Variants in AFF2 observed in about 807,000 individuals in gnomAD.
The protein encoded by AFF2 is ALF transcription elongation factor 2.
A neutral mutation model predicts 76.9 loss-of-function variants in AFF2; 14 were observed. That is an observed-to-expected ratio of 0.18 (90% CI 0.12 to 0.28). The LOEUF (loss-of-function observed/expected upper bound fraction) is 0.28. AFF2 is among the 10% of genes least tolerant of loss of function. The pLI, the probability that AFF2 is intolerant of heterozygous loss-of-function variation, is 1.00. For missense variants in AFF2, 868 were observed against 1,001.1 expected, an observed-to-expected ratio of 0.87 and a Z score of 1.79; for synonymous variants, 398 against 366.7, an observed-to-expected ratio of 1.09 and a Z score of -0.98.
chrX:148,517,596 T>C (rs1245304968), intron 1 of AFF2, among the ~76,000 whole-genome samples: 1 of 112,213 alleles, frequency 8.9e-6, no homozygotes, highest in East Asian at 2.8e-4. Flanking sequence ...ACATTGTTGA[T>C]TACTGCAACC....
intron 3 of AFF2, among the ~76,000 whole-genome samples, chrX:148,785,216 A>G (rs1367861943): frequency 9.0e-6 from 1 of 111,663 alleles, no homozygotes; most frequent in Non-Finnish European, 1.9e-5. Flanking sequence ...TTGCCTGATG[A>G]GATTAGCTTT....
intron 3 of AFF2, among the ~76,000 whole-genome samples, chrX:148,728,095 C>G (rs914431783): frequency 8.9e-6 from 1 of 112,231 alleles, no homozygotes; most frequent in Non-Finnish European, 1.9e-5. Context: ...ACATAACTAG[C>G]TGAGCTTGGG....
At chrX:148,964,481 A>G in intron 13 of AFF2, among the ~76,000 whole-genome samples, 2 of 112,268 alleles carry the variant, frequency 1.8e-5, no homozygotes, top group Middle Eastern at 4.6e-3. Context: ...AAATCCTGTC[A>G]TATTATGCAA....
intron 3 of AFF2, among the ~76,000 whole-genome samples, chrX:148,700,321 A>G (rs1406430592): frequency 9.0e-6 from 1 of 110,656 alleles, no homozygotes; most frequent in Non-Finnish European, 1.9e-5. Context: ...CTCTCGTTCT[A>G]CTTAGCTTAA....
chrX:148,615,494 T>C (rs894445332), intron 1 of AFF2, among the ~76,000 whole-genome samples: 4 of 111,836 alleles, frequency 3.6e-5, no homozygotes, highest in Non-Finnish European at 7.5e-5. Flanking sequence ...TAGTTTCTGA[T>C]TTTCCCATCT....
At chrX:148,738,962 T>G (rs1340574096) in intron 3 of AFF2, among the ~76,000 whole-genome samples, 1 of 112,228 alleles carries the variant, frequency 8.9e-6, no homozygotes, top group African/African-American at 3.2e-5. Context: ...TCCAGTTTTA[T>G]TCCACCATGG....
At chrX:148,953,405 CA>C (rs2071992645) in intron 9 of AFF2, among the ~76,000 whole-genome samples, 174 bp from the exon 10 acceptor site, 1 of 111,668 alleles carries the variant, frequency 9.0e-6, no homozygotes, top group Non-Finnish European at 1.9e-5. Flanking sequence ...TCAAAGCTTT[CA>C]ACTTGGGCCA....
chrX:148,860,555 T>A (rs2070835972), intron 7 of AFF2, among the ~76,000 whole-genome samples: 1 of 111,586 alleles, frequency 9.0e-6, no homozygotes, highest in Admixed American at 9.5e-5. Flanking sequence ...GCAGCGTCAT[T>A]TGAGATCTGT....
chrX:148,734,564 G>A (rs1037235439), intron 3 of AFF2, among the ~76,000 whole-genome samples: 25 of 111,550 alleles, frequency 2.2e-4, no homozygotes, highest in African/African-American at 8.2e-4. Context: ...AGGAAATGAC[G>A]TATATGATAT....
intron 5 of AFF2, among the ~76,000 whole-genome samples, chrX:148,838,489 A>G (rs1425501467): frequency 8.9e-6 from 1 of 111,974 alleles, no homozygotes; most frequent in Non-Finnish European, 1.9e-5. Context: ...TCAGAGTCGT[A>G]TCTAACACTC....
At position 148,999,599 on chromosome X, in the gene AFF2, T is replaced by TGC. The variant is rs1266926966; in HGVS notation, c.*8268_*8269insCG. The TGC allele has an allele frequency of 2.0e-5, 2 of 101,666 alleles. No individual in the cohort carries two copies. Among genetic ancestry groups the TGC allele is most frequent in the African/African-American group, 9.2e-5 (2 of 21,664 alleles). 8.4% of individuals were successfully genotyped at this position (101,666 alleles called of 1,213,427 possible). A position where few individuals can be genotyped will look rare whatever the true frequency, so the allele number is the denominator to read the frequency against. ...TCGTCAGTGTGTGTGTGTGTGTGTG[T>TGC]GTGCGCGCACACACGTGCGTGTGTG... On this transcript the variant is annotated 3_prime_UTR_variant, in exon 21 of 21. Transcript: ENST00000370460.
intron 9 of AFF2, among the ~76,000 whole-genome samples, chrX:148,942,956 A>C (rs1173715262): frequency 8.9e-6 from 1 of 112,080 alleles, no homozygotes; most frequent in Non-Finnish European, 1.9e-5. Context: ...GGCCTGAAGA[A>C]GTTTCCAGTG....
chrX:148,718,042 A>G (rs782020309), intron 3 of AFF2, among the ~76,000 whole-genome samples: 1 of 108,842 alleles, frequency 9.2e-6, no homozygotes, highest in Non-Finnish European at 1.9e-5. Context: ...TTTTTAACAT[A>G]GAATGCATCT....
intron 4 of AFF2, among the ~76,000 whole-genome samples, chrX:148,836,688 G>A (rs1424580669): frequency 1.8e-5 from 2 of 110,788 alleles, no homozygotes; most frequent in Non-Finnish European, 3.8e-5. Flanking sequence ...TCTGTTGCTG[G>A]GATTTTGAGC....
At chrX:148,549,737 A>T (rs782662644) in intron 1 of AFF2, among the ~76,000 whole-genome samples, 3 of 111,495 alleles carry the variant, frequency 2.7e-5, no homozygotes, top group Non-Finnish European at 5.7e-5. Context: ...GTTTTGTGGG[A>T]TTTGTGGTGA....
In AFF2 at chrX:148,564,514, G is replaced by A. The variant is rs782676065; in HGVS notation, c.47+63370G>A. 4.7e-5 allele frequency among the ~76,000 whole-genome samples: 5 copies of A among 106,781 alleles called. No individual in the cohort carries two copies. In the South Asian group the frequency reaches 2.1e-3, roughly 45 times the overall value. The allele number at this position is 106,781 out of a possible 115,157, so 92.7% of individuals were successfully genotyped here. ...ACGTTACTCTGCATGCCATTTTGGAGGCGTTTTGACATGGCCGAAACCTGC... is the reference window on the plus strand; with the variant it reads ...ACGTTACTCTGCATGCCATTTTGGAAGCGTTTTGACATGGCCGAAACCTGC... On this transcript the variant is annotated intron_variant, in intron 1 of 20. Transcript: ENST00000370460.
intron 3 of AFF2, among the ~76,000 whole-genome samples, chrX:148,762,453 A>T (rs1236388894): frequency 1.1e-5 from 1 of 93,510 alleles, no homozygotes; most frequent in Admixed American, 1.2e-4. Context: ...TTAGTGATAT[A>T]TATATATTAT....
chrX:148,880,452 C>A lies in AFF2; in HGVS notation c.1263-5437C>A, dbSNP rs782724727. Reference sequence around the variant, plus strand: ...TAGGTTACTTTATGAAGAGGAAGTGCCCTTTAAGGAGTCAAGAGGGCTAAG... The same window carrying A: ...TAGGTTACTTTATGAAGAGGAAGTGACCTTTAAGGAGTCAAGAGGGCTAAG... On this transcript the variant is annotated intron_variant, in intron 7 of 20. Coordinates refer to ENST00000370460, the MANE Select transcript of AFF2 (RefSeq NM_002025.4). Among the ~76,000 whole-genome samples the A allele has an allele frequency of 5.4e-5, 6 of 111,280 alleles. No individual in the cohort carries two copies. The South Asian group carries it at 2.3e-3, about 42-fold the overall frequency.
Position 148,560,836 on chromosome X carries a change from T to TGG in AFF2, c.47+59699_47+59700dup, listed in dbSNP as rs367867746. ...ATTTATCTTGATGACAGTTTTTTTCTGGGGGGGGCACCTCCTGTTCTCCTC... is the reference window on the plus strand; with the variant it reads ...ATTTATCTTGATGACAGTTTTTTTCTGGGGGGGGGGCACCTCCTGTTCTCCTC... On this transcript the variant is annotated intron_variant, in intron 1 of 20. Coordinates refer to ENST00000370460, the MANE Select transcript of AFF2 (RefSeq NM_002025.4). Among the ~76,000 whole-genome samples the TGG allele has an allele frequency of 3.7e-3, 412 of 110,236 alleles. 2 individuals are homozygous for TGG. The highest frequency in any genetic ancestry group is 0.013 in the African/African-American group (396 of 30,334).
Sources: allele counts gnomAD v4.1 joint callset (sites outside exome capture counted in the v4.1 genomes callset), GRCh38; gene constraint gnomAD v4.1.1; transcripts MANE v1.5; gene names NCBI Gene and HGNC (gene_info 2026-07-23, HGNC 2026-07-21).